Variants in SLC25A48 observed in about 807,000 individuals in gnomAD.
SLC25A48 encodes solute carrier family 25 member 48.
Under a neutral mutation model 32.2 loss-of-function variants are expected in SLC25A48, and 29 were observed. That is an observed-to-expected ratio of 0.90 (90% CI 0.67 to 1.23). The LOEUF is 1.23. Among genes scored for constraint, SLC25A48 ranks in the 50% most tolerant of loss-of-function variants. The pLI, the probability that SLC25A48 is intolerant of heterozygous loss-of-function variation, is 0.00. For missense variants in SLC25A48, 399 were observed against 422.7 expected (o/e 0.94, Z 0.49); for synonymous variants, 164 against 172.3 (o/e 0.95, Z 0.38).
At chr5:135,644,064 CTG>C (rs1008149656) in intron 3 of SLC25A48, among the ~76,000 whole-genome samples, 1 of 152,202 alleles carries the variant, frequency 6.6e-6, no homozygotes, top group East Asian at 1.9e-4. Context: ...ATGTTACACA[CTG>C]TGCTATGGAG....
At chr5:135,832,297 A>T (rs1201816504), upstream of SLC25A48, among the ~76,000 whole-genome samples, 3 of 152,134 alleles carry the variant, frequency 2.0e-5, no homozygotes, top group Non-Finnish European at 4.4e-5. Flanking sequence ...AGGGAAGAAG[A>T]TGAGAAGAGC....
chr5:135,770,559 C>A (rs540048918), intron 3 of SLC25A48, among the ~76,000 whole-genome samples: 1 of 151,582 alleles, frequency 6.6e-6, no homozygotes, highest in African/African-American at 2.4e-5. Context: ...AATGATGTTA[C>A]CCCAATATGG....
intron 1 of SLC25A48, among the ~76,000 whole-genome samples, chr5:135,593,118 A>G (rs1326425223): frequency 6.6e-6 from 1 of 151,634 alleles, no homozygotes; most frequent in African/African-American, 2.4e-5. Flanking sequence ...CTCAGAGCAC[A>G]CTCTCCAGGC....
At chr5:135,772,588 A>G (rs936007808) in intron 3 of SLC25A48, among the ~76,000 whole-genome samples, 2 of 151,590 alleles carry the variant, frequency 1.3e-5, no homozygotes. Context: ...CCAATATCGC[A>G]GGGGGTGTAC....
chr5:135,650,278 A>G (rs1753076059), intron 3 of SLC25A48: 1 of 385,082 alleles, frequency 2.6e-6, no homozygotes, highest in Non-Finnish European at 5.1e-6. Context: ...TTGCTACTCA[A>G]AGTTTGGTTT....
At chr5:135,700,390 AAAAG>A (rs1754365758) in intron 3 of SLC25A48, among the ~76,000 whole-genome samples, 1 of 151,120 alleles carries the variant, frequency 6.6e-6, no homozygotes, top group Admixed American at 6.6e-5. Context: ...AAAAAAAAAA[AAAAG>A]AAAGAAAGAA....
At position 135,715,492 on chromosome 5, in the gene SLC25A48, A is replaced by C. The variant is rs548318338; in HGVS notation, c.-521+80536A>C. Among the ~76,000 whole-genome samples, 12 of 152,240 alleles carry C rather than the reference A, an allele frequency of 7.9e-5. No homozygotes were observed. The South Asian group carries it at 2.5e-3, about 32-fold the overall frequency. ...GCCTTTCCCACCCCACCCCTTTCCC[A>C]GCATTGCCCCTTTGTGGGCTATTAC... On this transcript the variant is annotated intron_variant, in intron 3 of 10. Transcript: ENST00000646290.
rs547721147 is a variant in SLC25A48 at position 135,792,545 on chromosome 5, C to T, written c.-520-19978C>T. 9.2e-5 allele frequency among the ~76,000 whole-genome samples: 14 copies of T among 151,790 alleles called. No individual in the cohort carries two copies. In the East Asian group the frequency reaches 2.7e-3, roughly 29 times the overall value. ...TGTAACCATTATGTGTATACACTCT[C>T]TGGGATATTATTTGTTATAGTTTTG... On this transcript the variant is annotated intron_variant, in intron 3 of 10. Coordinates refer to the SLC25A48 transcript ENST00000646290.
At chr5:135,599,060 A>C (rs1751726049) in intron 1 of SLC25A48, among the ~76,000 whole-genome samples, 1 of 152,036 alleles carries the variant, frequency 6.6e-6, no homozygotes, top group Admixed American at 6.6e-5. Context: ...GGAACTCACT[A>C]TTTTAAGGCT....
intron 1 of SLC25A48, among the ~76,000 whole-genome samples, chr5:135,623,766 C>A (rs537240090): frequency 6.6e-6 from 1 of 152,310 alleles, no homozygotes; most frequent in African/African-American, 2.4e-5. Context: ...TTCTCCCTAA[C>A]CTTGCAGAAA....
intron 3 of SLC25A48, among the ~76,000 whole-genome samples, chr5:135,683,771 GT>G (rs1328798370): frequency 1.3e-5 from 2 of 152,126 alleles, no homozygotes; most frequent in Non-Finnish European, 2.9e-5. Flanking sequence ...AGCACTTGAG[GT>G]TCCCGGACTT....
intron 3 of SLC25A48, among the ~76,000 whole-genome samples, chr5:135,722,665 G>A (rs963571841): frequency 6.6e-6 from 1 of 152,174 alleles, no homozygotes; most frequent in Non-Finnish European, 1.5e-5. Flanking sequence ...GTATTATGAG[G>A]GTTGAATTGA....
intron 1 of SLC25A48, among the ~76,000 whole-genome samples, chr5:135,585,003 G>T (rs992410077): frequency 2.0e-5 from 3 of 152,238 alleles, no homozygotes; most frequent in Non-Finnish European, 4.4e-5. Context: ...TTCAGCGAGG[G>T]CTTGGGCAGC....
At chr5:135,607,570 T>C (rs1319077218) in intron 1 of SLC25A48, among the ~76,000 whole-genome samples, 1 of 152,164 alleles carries the variant, frequency 6.6e-6, no homozygotes, top group Non-Finnish European at 1.5e-5. Context: ...ATCAGAAAAG[T>C]GTAGGGTGCA....
chr5:135,621,020 A>C (rs1752314593), intron 1 of SLC25A48, among the ~76,000 whole-genome samples: 1 of 152,150 alleles, frequency 6.6e-6, no homozygotes, highest in Non-Finnish European at 1.5e-5. Context: ...GATTATCTAC[A>C]TGCTATTTTG....
rs531434378 is a variant in SLC25A48 at position 135,593,278 on chromosome 5, T to C, written c.-849+13681T>C. Among the ~76,000 whole-genome samples, 4 of 152,292 alleles carry C rather than the reference T, an allele frequency of 2.6e-5. No individual in the cohort carries two copies. The South Asian group carries it at 8.3e-4, about 32-fold the overall frequency. ...CTTGATCTTGGAATCTGTAGGGCTA[T>C]GTGCATGGCAGGGCCACAGGAAGAT... On this transcript the variant is annotated intron_variant, in intron 1 of 10. Transcript: ENST00000646290.
rs191612713 is a variant in SLC25A48, at chr5:135,639,747, G to T, written c.-521+4791G>T. The stretch of plus-strand genomic sequence containing the variant: ...GGAAAAAGAAACAAAACCCAAACTA[G>T]ATCAGTTCTAACAAAGAATAAAATC... On this transcript the variant is annotated intron_variant, in intron 3 of 10. Coordinates refer to the SLC25A48 transcript ENST00000646290. Among the ~76,000 whole-genome samples, 177 of 152,250 alleles carry T rather than the reference G, an allele frequency of 1.2e-3. 1 individual carries two copies. The highest frequency in any genetic ancestry group is 1.9e-3 in the Non-Finnish European group (129 of 67,998).
At chr5:135,866,907 G>T (rs991543169) in intron 4 of SLC25A48, among the ~76,000 whole-genome samples, 1 of 152,206 alleles carries the variant, frequency 6.6e-6, no homozygotes, top group African/African-American at 2.4e-5. Context: ...GAAACCACAT[G>T]CCTCCTGAGT....
At chr5:135,857,051 G>A (rs1222791682) in intron 4 of SLC25A48, among the ~76,000 whole-genome samples, 1 of 152,228 alleles carries the variant, frequency 6.6e-6, no homozygotes, top group East Asian at 1.9e-4. Flanking sequence ...GGGTAGCTTT[G>A]CGAATATCTG....
Sources: gnomAD v4.1 joint callset for allele counts (sites outside exome capture counted in the v4.1 genomes callset) on GRCh38, gnomAD v4.1.1 for gene constraint, MANE v1.5 for transcripts, NCBI Gene and HGNC (gene_info 2026-07-23, HGNC 2026-07-21) for gene names.